Variants in ANGPT1 observed in about 807,000 individuals in gnomAD.
ANGPT1 encodes angiopoietin 1.
ANGPT1 carries 17 observed loss-of-function variants against 62.2 expected under a neutral mutation model. The ratio of observed to expected loss-of-function variants is 0.27; its 90% CI spans 0.19 to 0.41. The LOEUF is 0.41. Ranked by LOEUF, ANGPT1 falls within the 10% of genes least tolerant of loss-of-function variation. ANGPT1 has a pLI of 1.00. For synonymous variants in ANGPT1, 199 were observed against 198.9 expected (o/e 1.00, Z 0.00); for missense variants, 478 against 594.9 (o/e 0.80, Z 2.04).
intron 3 of ANGPT1, among the ~76,000 whole-genome samples, chr8:107,329,831 G>T (rs189732289): frequency 6.6e-6 from 1 of 152,086 alleles, no homozygotes; most frequent in East Asian, 1.9e-4. Flanking sequence ...GGAAGACAAT[G>T]AAAATAAAAC....
chr8:107,294,958 G>C (rs1814375817), intron 5 of ANGPT1: 1 of 152,122 alleles, frequency 6.6e-6, no homozygotes, highest in Non-Finnish European at 1.5e-5. Context: ...TTGAAGCTTG[G>C]CTAAAGGTGG....
Position 107,336,161 on chromosome 8 carries a change from A to G in ANGPT1, c.564T>C (p.His188=), listed in dbSNP as rs760000862. 1.1e-5 allele frequency: 18 copies of G among 1,599,164 alleles called. No homozygotes were observed. Among genetic ancestry groups the G allele is most frequent in the Non-Finnish European group, 1.5e-5 (18 of 1,175,888 alleles). ...LQQTNEILKI[H]EKNSLLEHKI... is the part of the protein sequence containing the mutation. ...AAAGCAATCCTCACCTGTTTTTTTC[A>G]TGGATCTTCAAGATTTCATTTGTCT... The change falls in exon 3 of 9, where the codon CAT becomes CAC. Residue 188 remains histidine, a synonymous_variant. Coordinates refer to ENST00000517746, the MANE Select transcript of ANGPT1 (RefSeq NM_001146.5).
chr8:107,380,582 T>C (rs927512316), intron 1 of ANGPT1, among the ~76,000 whole-genome samples: 2 of 152,122 alleles, frequency 1.3e-5, no homozygotes, highest in Non-Finnish European at 2.9e-5. Context: ...ATATAGCCAG[T>C]GTGAGTTCAC....
chr8:107,317,166 A>C (rs1409352077), intron 4 of ANGPT1, among the ~76,000 whole-genome samples: 1 of 152,204 alleles, frequency 6.6e-6, no homozygotes, highest in Non-Finnish European at 1.5e-5. Flanking sequence ...TAATTCTGAA[A>C]AATAATTGTT....
In ANGPT1 at chr8:107,309,655, T is replaced by C. The variant is rs145286206; in HGVS notation, c.809-6288A>G. Among the ~76,000 whole-genome samples, 19 of 152,300 alleles carry C rather than the reference T, an allele frequency of 1.2e-4. No homozygotes were observed. In the East Asian group the frequency reaches 2.7e-3, roughly 22 times the overall value. ...TTACCAATGACTTTATAAACAGATA[T>C]ACAAATATATATAGCTACACAAATA... is the stretch of plus-strand genomic sequence containing the variant. On this transcript the variant is annotated intron_variant, in intron 4 of 8. Transcript: ENST00000517746.
chr8:107,354,416 A>C (rs1385208648), intron 1 of ANGPT1, among the ~76,000 whole-genome samples: 1 of 151,976 alleles, frequency 6.6e-6, no homozygotes, highest in Non-Finnish European at 1.5e-5. Context: ...TCACTTAAAC[A>C]CTTTGGGTTT....
chr8:107,410,156 G>A (rs1040000432), intron 1 of ANGPT1, among the ~76,000 whole-genome samples: 4 of 152,098 alleles, frequency 2.6e-5, no homozygotes, highest in African/African-American at 9.7e-5. Context: ...AGGTCAGAGG[G>A]GTCAAGCACA....
intron 1 of ANGPT1, among the ~76,000 whole-genome samples, chr8:107,362,733 A>G (rs1816191382): frequency 6.6e-6 from 1 of 152,190 alleles, no homozygotes; most frequent in African/African-American, 2.4e-5. Flanking sequence ...TTACTGGAAA[A>G]CCACCATTAT....
chr8:107,477,205 C>A (rs1342568964), intron 1 of ANGPT1, among the ~76,000 whole-genome samples: 1 of 152,154 alleles, frequency 6.6e-6, no homozygotes, highest in Non-Finnish European at 1.5e-5. Flanking sequence ...TCATTTATCC[C>A]TGCAGTCATA....
chr8:107,387,742 C>T (rs1362317311), intron 1 of ANGPT1, among the ~76,000 whole-genome samples: 2 of 151,608 alleles, frequency 1.3e-5, no homozygotes, highest in Non-Finnish European at 2.9e-5. Flanking sequence ...GCTGTGCATG[C>T]TATTTAAAGA....
chr8:107,469,679 C>T lies in ANGPT1; in HGVS notation c.297+27583G>A, dbSNP rs557753998. Among the ~76,000 whole-genome samples, 5 of 152,132 alleles carry T rather than the reference C, an allele frequency of 3.3e-5. No individual in the cohort carries two copies. The East Asian group carries it at 9.7e-4, about 29-fold the overall frequency. On this transcript the variant is annotated intron_variant, in intron 1 of 8. Coordinates refer to ENST00000517746, the MANE Select transcript of ANGPT1 (RefSeq NM_001146.5). ...AAAGAATAGCAATAAACCCAGACTA[C>T]ACATCCGCCTTAAATTGGCCAAAAT... is the stretch of plus-strand genomic sequence containing the variant.
chr8:107,492,014 A>G (rs1321230912), intron 1 of ANGPT1, among the ~76,000 whole-genome samples: 4 of 152,158 alleles, frequency 2.6e-5, no homozygotes, highest in African/African-American at 9.7e-5. Flanking sequence ...AAAGGCTGTT[A>G]TAACACTAAC....
At chr8:107,451,053 A>G (rs1389950065) in intron 1 of ANGPT1, among the ~76,000 whole-genome samples, 1 of 151,732 alleles carries the variant, frequency 6.6e-6, no homozygotes, top group Non-Finnish European at 1.5e-5. Context: ...CCAAGACATA[A>G]TCTCCCTCCC....
At chr8:107,486,475 G>C (rs570958577) in intron 1 of ANGPT1, among the ~76,000 whole-genome samples, 1 of 152,130 alleles carries the variant, frequency 6.6e-6, no homozygotes, top group Admixed American at 6.5e-5. Context: ...TTTTTCCAAT[G>C]GTCTCAACAG....
intron 1 of ANGPT1, among the ~76,000 whole-genome samples, chr8:107,467,296 T>A (rs1349398535): frequency 2.6e-5 from 4 of 151,176 alleles, no homozygotes; most frequent in African/African-American, 7.3e-5. Context: ...GTACCTATAA[T>A]GATTTAACAT....
At chr8:107,361,933 C>A (rs573293135) in intron 1 of ANGPT1, among the ~76,000 whole-genome samples, 35 of 152,170 alleles carry the variant, frequency 2.3e-4, no homozygotes, top group African/African-American at 8.2e-4. Flanking sequence ...GTGGCAGACG[C>A]CTGTAATCAC....
intron 2 of ANGPT1, among the ~76,000 whole-genome samples, chr8:107,336,801 T>C (rs150978345): frequency 9.2e-5 from 14 of 151,780 alleles, no homozygotes; most frequent in Admixed American, 2.6e-4. Flanking sequence ...TTAGGACTTC[T>C]GTGTCCTAAA....
intron 6 of ANGPT1, among the ~76,000 whole-genome samples, chr8:107,293,546 T>C (rs1814334770): frequency 6.6e-6 from 1 of 152,050 alleles, no homozygotes; most frequent in South Asian, 2.1e-4. Context: ...CAGCAACAAT[T>C]AGCCAGTTAT....
intron 2 of ANGPT1, among the ~76,000 whole-genome samples, chr8:107,344,671 T>C (rs1310438541): frequency 1.3e-5 from 2 of 152,206 alleles, no homozygotes; most frequent in East Asian, 3.9e-4. Context: ...TTAAAATATA[T>C]TGGAAAGACA....
Sources: gnomAD v4.1 joint callset for allele counts (sites outside exome capture counted in the v4.1 genomes callset) on GRCh38, gnomAD v4.1.1 for gene constraint, MANE v1.5 for transcripts, NCBI Gene and HGNC (gene_info 2026-07-23, HGNC 2026-07-21) for gene names.